Variants in ADGRL2 observed in about 807,000 individuals in gnomAD.
ADGRL2 encodes the protein adhesion G protein-coupled receptor L2.
ADGRL2 carries 44 observed loss-of-function variants against 157.4 expected under a neutral mutation model. That is an observed-to-expected ratio of 0.28 (90% CI 0.22 to 0.36). The LOEUF (loss-of-function observed/expected upper bound fraction) is 0.36. Among genes scored for constraint, ADGRL2 ranks in the 10% least tolerant of loss-of-function variants. The pLI is 1.00. For synonymous variants in ADGRL2, 585 were observed against 624.7 expected (o/e 0.94, Z 0.95); for missense variants, 1,510 against 1,768.9 (o/e 0.85, Z 2.63).
At chr1:81,765,167 G>T (rs2086070339) in intron 2 of ADGRL2, among the ~76,000 whole-genome samples, 1 of 151,722 alleles carries the variant, frequency 6.6e-6, no homozygotes, top group Admixed American at 6.6e-5. Flanking sequence ...TAAAGAGCGG[G>T]GAGCCAAATT....
chr1:81,676,924 C>T (rs1244279497), intron 3 of ADGRL2, among the ~76,000 whole-genome samples: 4 of 150,640 alleles, frequency 2.7e-5, no homozygotes, highest in Admixed American at 1.3e-4. Context: ...CTCCTGACCT[C>T]GTGATCTGCC....
At chr1:81,851,198 C>T (rs2092993242) in intron 2 of ADGRL2, among the ~76,000 whole-genome samples, 1 of 151,808 alleles carries the variant, frequency 6.6e-6, no homozygotes, top group African/African-American at 2.4e-5. Flanking sequence ...ACTGCAGCCT[C>T]AATTCTTATT....
chr1:81,611,443 A>G (rs772201905), intron 3 of ADGRL2, among the ~76,000 whole-genome samples: 9 of 152,208 alleles, frequency 5.9e-5, no homozygotes, highest in Non-Finnish European at 1.2e-4. Context: ...CTTTGTTACT[A>G]CTTTTATTAC....
chr1:81,629,921 A>T (rs1028333128), intron 3 of ADGRL2, among the ~76,000 whole-genome samples: 2 of 151,946 alleles, frequency 1.3e-5, no homozygotes, highest in African/African-American at 4.8e-5. Context: ...ATACTAAATC[A>T]TAATGTAAAA....
At chr1:81,480,516 A>C (rs754075207) in intron 2 of ADGRL2, among the ~76,000 whole-genome samples, 1 of 151,636 alleles carries the variant, frequency 6.6e-6, no homozygotes, top group African/African-American at 2.4e-5. Flanking sequence ...AACATATAGC[A>C]TAAGCCCACC....
chr1:81,974,072 C>A (rs1286963169), intron 17 of ADGRL2, among the ~76,000 whole-genome samples: 1 of 152,124 alleles, frequency 6.6e-6, no homozygotes, highest in African/African-American at 2.4e-5. Context: ...TTACCTATTG[C>A]TATTCCTAGG....
chr1:81,951,402 G>A (rs1014804113), intron 8 of ADGRL2, among the ~76,000 whole-genome samples: 2 of 151,986 alleles, frequency 1.3e-5, no homozygotes, highest in East Asian at 3.9e-4. Context: ...AAATGCATTC[G>A]CCGATTAAAT....
chr1:81,911,919 C>T (rs2148424747), intron 3 of ADGRL2, among the ~76,000 whole-genome samples: 1 of 149,428 alleles, frequency 6.7e-6, no homozygotes, highest in Non-Finnish European at 1.5e-5. Flanking sequence ...TGAAATTGCC[C>T]AGGGAAAGTA....
At chr1:81,983,002 A>T (rs3790877) in intron 19 of ADGRL2, among the ~76,000 whole-genome samples, 2 of 151,802 alleles carry the variant, frequency 1.3e-5, no homozygotes, top group East Asian at 3.9e-4. Flanking sequence ...AACATTGTAC[A>T]GGGGTAACAT....
chr1:81,816,580 T>C (rs1342390939), intron 1 of ADGRL2, among the ~76,000 whole-genome samples: 1 of 151,926 alleles, frequency 6.6e-6, no homozygotes, highest in Non-Finnish European at 1.5e-5. Context: ...GTAATTAGTA[T>C]CAATGTATAG....
chr1:81,537,306 G>T (rs1460430005), intron 2 of ADGRL2, among the ~76,000 whole-genome samples: 2 of 152,016 alleles, frequency 1.3e-5, no homozygotes, highest in Non-Finnish European at 2.9e-5. Context: ...TTTTTGAGAT[G>T]GAATTTCGCT....
intron 2 of ADGRL2, among the ~76,000 whole-genome samples, chr1:81,895,847 G>T (rs766695340): frequency 5.3e-5 from 8 of 152,006 alleles, no homozygotes; most frequent in Non-Finnish European, 8.8e-5. Flanking sequence ...AACCTGCCTG[G>T]GAAATACTTA....
intron 2 of ADGRL2, among the ~76,000 whole-genome samples, chr1:81,855,290 A>G (rs1177789149): frequency 6.6e-6 from 1 of 151,892 alleles, no homozygotes; most frequent in Non-Finnish European, 1.5e-5. Flanking sequence ...AAATTTAAAA[A>G]ATTAGCCAGG....
chr1:81,405,588 T>C (rs2076838520), intron 1 of ADGRL2, among the ~76,000 whole-genome samples: 1 of 147,172 alleles, frequency 6.8e-6, no homozygotes, highest in South Asian at 2.1e-4. Context: ...AGGCAGAGGC[T>C]GCAGTGAGTT....
chr1:81,625,005 C>T (rs1316065314), intron 3 of ADGRL2, among the ~76,000 whole-genome samples: 5 of 152,158 alleles, frequency 3.3e-5, no homozygotes, highest in African/African-American at 1.2e-4. Flanking sequence ...ATAGGAATAC[C>T]TTGTGCTGTG....
At chr1:81,910,270 A>C (rs1042496772) in intron 3 of ADGRL2, among the ~76,000 whole-genome samples, 24 of 150,116 alleles carry the variant, frequency 1.6e-4, no homozygotes, top group African/African-American at 5.6e-4. Flanking sequence ...AATAATAATA[A>C]TAATACTACA....
At position 81,990,462 on chromosome 1, in the gene ADGRL2, A is replaced by G. The variant is rs760114423; in HGVS notation, c.3727A>G (p.Ser1243Gly). 76 of 1,613,998 alleles carry G rather than the reference A, an allele frequency of 4.7e-5. No individual in the cohort carries two copies. Among genetic ancestry groups the G allele is most frequent in the Non-Finnish European group, 6.3e-5 (74 of 1,179,966 alleles). Residue 1243 changes from serine (S) to glycine (G), a missense_variant, in exon 24 of 24, where the codon AGC becomes GGC. Physicochemically the swap from Ser to Gly is moderately conservative, Grantham distance 56. Transcript: ENST00000686636. The part of the protein sequence containing the change: ...TLPLNGNFNN[S>G]YSLHKGDYND... Reference sequence around the variant, plus strand: ...ACCGCTAAATGGTAATTTTAACAACAGCTACTCGCTGCACAAGGGTGACTA... The same window carrying G: ...ACCGCTAAATGGTAATTTTAACAACGGCTACTCGCTGCACAAGGGTGACTA...
intron 2 of ADGRL2, chr1:81,557,482 G>GA (rs370696204): frequency 0.25 from 29,628 of 119,618 alleles, 3,424 homozygotes; most frequent in South Asian, 0.29. Flanking sequence ...AAGAAAGAAA[G>GA]AAGAAAGAAA....
At chr1:81,990,296 T>G in intron 23 of ADGRL2, 95 bp from the exon 24 acceptor site, 2 of 1,522,128 alleles carry the variant, frequency 1.3e-6, no homozygotes, top group Non-Finnish European at 1.8e-6. Flanking sequence ...TACAACTTTG[T>G]CCTGAACGAC....
Sources: gnomAD v4.1 joint callset for allele counts (sites outside exome capture counted in the v4.1 genomes callset) on GRCh38, gnomAD v4.1.1 for gene constraint, MANE v1.5 for transcripts, NCBI Gene and HGNC (gene_info 2026-07-23, HGNC 2026-07-21) for gene names.